Variants in ATP2C2 observed in about 807,000 individuals in gnomAD.
The protein encoded by ATP2C2 is calcium-transporting ATPase type 2C member 2.
A neutral mutation model predicts 110.8 loss-of-function variants in ATP2C2; 171 were observed. The observed-to-expected ratio is 1.54, with a 90% CI of 1.36 to 1.75. The LOEUF (loss-of-function observed/expected upper bound fraction) is 1.75. Ranked by LOEUF, ATP2C2 falls within the 40% of genes most tolerant of loss-of-function variation. ATP2C2 has a pLI of 0.00. For synonymous variants in ATP2C2, 804 were observed against 508.4 expected, an observed-to-expected ratio of 1.58 and a Z score of -7.82; for missense variants, 1,963 against 1,235.0, an observed-to-expected ratio of 1.59 and a Z score of -8.84.
At chr16:84,439,365 G>A in intron 12 of ATP2C2, 62 bp from the exon 13 acceptor site, 2 of 1,611,900 alleles carry the variant, frequency 1.2e-6, no homozygotes, top group East Asian at 2.2e-5. Context: ...AATCCAGCCT[G>A]GGGGTTTCAC....
At position 84,463,787 on chromosome 16, in the gene ATP2C2, G is replaced by T; in HGVS notation, c.*55G>T. 6.8e-7 allele frequency: 1 copy of T among 1,478,908 alleles called. No individual in the cohort carries two copies. The highest frequency in any genetic ancestry group is 1.7e-5 in the Admixed American group (1 of 59,394). The allele number at this position is 1,478,908 out of a possible 1,614,324, so 91.6% of individuals were successfully genotyped here. A position where few individuals can be genotyped will look rare whatever the true frequency, so the allele number is the denominator to read the frequency against. On this transcript the variant is annotated 3_prime_UTR_variant, in exon 27 of 27. Coordinates refer to ENST00000262429, the MANE Select transcript of ATP2C2 (RefSeq NM_014861.4). ...TCATCTCGATCTGGTTGTGACTGTG[G>T]CCCCTGCCGTGTCTCCTCGTCAGGG...
intron 11 of ATP2C2, chr16:84,426,044 G>T: frequency 2.5e-6 from 1 of 402,668 alleles, no homozygotes; most frequent in Non-Finnish European, 4.4e-6. Context: ...GGCTGTTCTT[G>T]CATTGCTAAA....
intron 2 of ATP2C2, among the ~76,000 whole-genome samples, chr16:84,402,334 C>G (rs564293907): frequency 4.0e-4 from 61 of 152,136 alleles, no homozygotes; most frequent in Non-Finnish European, 7.4e-4. Flanking sequence ...TCTGATTGCT[C>G]TAGCTAGAAC....
At chr16:84,422,265 C>A (rs1283771592) in intron 7 of ATP2C2, 125 bp from the exon 8 acceptor site, 2 of 1,166,802 alleles carry the variant, frequency 1.7e-6, no homozygotes, top group South Asian at 1.6e-5. Context: ...TTGTGACACT[C>A]ATTCTGTAGG....
At chr16:84,448,305 G>C (rs1054074458) in intron 16 of ATP2C2, among the ~76,000 whole-genome samples, 1 of 152,170 alleles carries the variant, frequency 6.6e-6, no homozygotes, top group African/African-American at 2.4e-5. Context: ...GGGTAGTACA[G>C]GTTGAAGATT....
At chr16:84,437,419 C>T (rs1049552649) in intron 11 of ATP2C2, among the ~76,000 whole-genome samples, 3 of 152,014 alleles carry the variant, frequency 2.0e-5, no homozygotes, top group Admixed American at 1.3e-4. Flanking sequence ...AAATGTTGCC[C>T]AGGCTAGTCT....
chr16:84,397,731 A>G (rs931334314), intron 1 of ATP2C2, among the ~76,000 whole-genome samples: 5 of 151,428 alleles, frequency 3.3e-5, no homozygotes, highest in Non-Finnish European at 7.4e-5. Flanking sequence ...GAACCCAGAT[A>G]TTCATCAACA....
chr16:84,396,420 C>T (rs1163682749), intron 1 of ATP2C2, among the ~76,000 whole-genome samples: 2 of 151,342 alleles, frequency 1.3e-5, no homozygotes, highest in African/African-American at 2.4e-5. Context: ...CGTGGCGGTG[C>T]GTGCCTGTAG....
At chr16:84,416,736 C>G (rs1906867586) in intron 7 of ATP2C2, among the ~76,000 whole-genome samples, 1 of 152,098 alleles carries the variant, frequency 6.6e-6, no homozygotes, top group Non-Finnish European at 1.5e-5. Context: ...TCTGTAGCAC[C>G]AGATACAGAT....
chr16:84,407,828 G>T (rs139558563), intron 3 of ATP2C2, among the ~76,000 whole-genome samples: 130 of 152,180 alleles, frequency 8.5e-4, no homozygotes, highest in African/African-American at 1.7e-3. Context: ...TTCTGAATCC[G>T]GTTTTATGTG....
At chr16:84,409,923 G>A (rs59795333) in intron 4 of ATP2C2, among the ~76,000 whole-genome samples, 9,947 of 152,142 alleles carry the variant, frequency 0.065, 476 homozygotes, top group African/African-American at 0.14. Context: ...TAAAAGGCTG[G>A]AGTAGGCCGG....
chr16:84,429,311 C>A (rs546934032), intron 11 of ATP2C2, among the ~76,000 whole-genome samples: 1 of 152,104 alleles, frequency 6.6e-6, no homozygotes, highest in African/African-American at 2.4e-5. Flanking sequence ...ACCACCACAC[C>A]CAGCTAATTT....
chr16:84,446,441 T>C lies in ATP2C2; in HGVS notation c.1503+11T>C. ...AGTCTGAAGACTGAGGTGAGACCTTTCAATCTTCAACCTCTTCTCTCTTTC... is the reference window on the plus strand; with the variant it reads ...AGTCTGAAGACTGAGGTGAGACCTTCCAATCTTCAACCTCTTCTCTCTTTC... On this transcript the variant is annotated intron_variant, in intron 16 of 26. Coordinates refer to ENST00000262429, the MANE Select transcript of ATP2C2 (RefSeq NM_014861.4). 1 of 1,561,872 alleles carries C rather than the reference T, an allele frequency of 6.4e-7. No homozygotes were observed. Among genetic ancestry groups the C allele is most frequent in the Non-Finnish European group, 8.7e-7 (1 of 1,151,562 alleles).
At chr16:84,455,751 G>GAA (rs34618441) in intron 21 of ATP2C2, among the ~76,000 whole-genome samples, 56 of 140,344 alleles carry the variant, frequency 4.0e-4, no homozygotes, top group East Asian at 1.8e-3. Context: ...AACACACTTA[G>GAA]AAAAAAAAAA....
At chr16:84,459,080 C>G in intron 21 of ATP2C2, 40 bp from the exon 22 acceptor site, 1 of 1,607,614 alleles carries the variant, frequency 6.2e-7, no homozygotes, top group Non-Finnish European at 8.5e-7. Context: ...AGCCCTCACG[C>G]AGGCCCGCTC....
intron 11 of ATP2C2, among the ~76,000 whole-genome samples, chr16:84,432,322 G>T (rs1474012115): frequency 6.6e-6 from 1 of 152,008 alleles, no homozygotes; most frequent in Non-Finnish European, 1.5e-5. Flanking sequence ...GAATGTGCAG[G>T]TTTGTTACAT....
intron 11 of ATP2C2, among the ~76,000 whole-genome samples, chr16:84,436,054 G>A (rs898522403): frequency 6.6e-6 from 1 of 151,002 alleles, no homozygotes; most frequent in Non-Finnish European, 1.5e-5. Flanking sequence ...GCATGAAGCT[G>A]GGGGGTGGAT....
At chr16:84,412,873 C>A (rs1187004284) in intron 6 of ATP2C2, among the ~76,000 whole-genome samples, 1 of 151,814 alleles carries the variant, frequency 6.6e-6, no homozygotes, top group Non-Finnish European at 1.5e-5. Context: ...AGGTAGGCAG[C>A]TCACCTGAGG....
In ATP2C2 at chr16:84,453,180, C is replaced by A; in HGVS notation, c.1874C>A (p.Ser625Tyr). 1 of 1,613,864 alleles carries A rather than the reference C, an allele frequency of 6.2e-7. No homozygotes were observed. Among genetic ancestry groups the A allele is most frequent in the Non-Finnish European group, 8.5e-7 (1 of 1,179,884 alleles). Residue 625 changes from serine (S) to tyrosine (Y), a missense_variant, in exon 19 of 27, where the codon TCC becomes TAC. Transcript: ENST00000262429. Reference protein sequence around the residue: ...GLCNGKLQAMSGEEVDSVEKG... With the variant: ...GLCNGKLQAMYGEEVDSVEKG... ...TGCAACGGGAAGCTGCAAGCCATGT[C>A]CGGGGAGGAGGTGGACAGCGTGGAG...
Sources: gnomAD v4.1 joint callset for allele counts (sites outside exome capture counted in the v4.1 genomes callset) on GRCh38, gnomAD v4.1.1 for gene constraint, MANE v1.5 for transcripts, NCBI Gene and HGNC (gene_info 2026-07-23, HGNC 2026-07-21) for gene names.